VPS26C: variants seen among roughly 807,000 people sequenced by gnomAD.
The protein encoded by VPS26C is vacuolar protein sorting-associated protein 26C.
A neutral mutation model predicts 30.6 loss-of-function variants in VPS26C; 19 were observed. That is an observed-to-expected ratio of 0.62 (90% CI 0.43 to 0.91). VPS26C has a LOEUF of 0.91. Ranked by LOEUF, VPS26C falls within the 40% of genes least tolerant of loss-of-function variation. The pLI is 0.00. For missense variants in VPS26C, 318 were observed against 385.1 expected (o/e 0.83, Z 1.46); for synonymous variants, 132 against 151.5 (o/e 0.87, Z 0.95).
intron 5 of VPS26C, 49 bp from the exon 6 acceptor site, chr21:37,228,422 A>G (rs745869938): frequency 6.2e-6 from 10 of 1,600,638 alleles, no homozygotes; most frequent in Non-Finnish European, 8.5e-6. Flanking sequence ...AAGGGGGGAA[A>G]GTGCTCCATA....
intron 1 of VPS26C, among the ~76,000 whole-genome samples, chr21:37,243,500 A>G (rs2086108367): frequency 6.6e-6 from 1 of 152,212 alleles, no homozygotes. Flanking sequence ...GCCAGCACAG[A>G]CACTGGGACC....
upstream of VPS26C, chr21:37,267,427 G>A (rs1229626846): frequency 4.0e-6 from 3 of 751,046 alleles, no homozygotes; most frequent in East Asian, 7.7e-5. Context: ...CCTCGCAGCG[G>A]CGTCGCACAC....
chr21:37,262,284 G>A (rs752738413), intron 1 of VPS26C, among the ~76,000 whole-genome samples: 8 of 152,188 alleles, frequency 5.3e-5, no homozygotes, highest in Non-Finnish European at 1.2e-4. Flanking sequence ...TATTCCTCAT[G>A]ACTGAAACCA....
intron 6 of VPS26C, 26 bp from the exon 7 acceptor site, chr21:37,227,832 G>A (rs369563634): frequency 3.8e-5 from 60 of 1,566,628 alleles, no homozygotes; most frequent in Middle Eastern, 1.8e-4. Context: ...CACATCACGC[G>A]GTCAGGGCCA....
chr21:37,225,929 G>T, intron 7 of VPS26C: 1 of 433,322 alleles, frequency 2.3e-6, no homozygotes, highest in Non-Finnish European at 4.3e-6. Context: ...TCCTAAAAAG[G>T]ATATTCTAGA....
chr21:37,252,214 CAATT>C (rs1435373937), intron 1 of VPS26C, among the ~76,000 whole-genome samples: 1 of 152,170 alleles, frequency 6.6e-6, no homozygotes, highest in Non-Finnish European at 1.5e-5. Flanking sequence ...ATGAGTGAGA[CAATT>C]AATTGCTTGT....
Position 37,233,418 on chromosome 21 carries a change from G to A in VPS26C, c.376C>T (p.Arg126Trp), listed in dbSNP as rs367652803. ...GTCAAGTCCTTGGCCAACAGAGACC[G>A]CTTCATGTCACAGCGCAGTGTATAC... ...IQYTLRCDMK[R>W]SLLAKDLTKT... The change falls in exon 4 of 8, where the codon CGG becomes TGG. Residue 126 changes from arginine (R) to tryptophan (W), a missense_variant. Arg to Trp is a moderately radical substitution (Grantham distance 101). Transcript: ENST00000309117. This position sits in a 1 kb window ranked among gnomAD's most constrained non-coding sequence, Gnocchi z 5.2. The A allele has an allele frequency of 1.6e-4, 256 of 1,614,086 alleles. No homozygotes were observed. Among genetic ancestry groups the A allele is most frequent in the Non-Finnish European group, 1.9e-4 (226 of 1,179,970 alleles).
chr21:37,227,502 G>T, intron 7 of VPS26C, 152 bp downstream of exon 7: 1 of 856,542 alleles, frequency 1.2e-6, no homozygotes, highest in Non-Finnish European at 1.8e-6. Context: ...CAGCCGAAGG[G>T]CAGCAGGCTC....
chr21:37,254,631 T>C (rs1412983544), intron 1 of VPS26C, among the ~76,000 whole-genome samples: 1 of 152,042 alleles, frequency 6.6e-6, no homozygotes, highest in Non-Finnish European at 1.5e-5. Context: ...GCCAGCATGA[T>C]GAAACCCCAT....
chr21:37,240,024 C>A (rs1007759791), intron 2 of VPS26C, among the ~76,000 whole-genome samples: 4 of 152,196 alleles, frequency 2.6e-5, no homozygotes, highest in African/African-American at 9.7e-5. Context: ...TCCATTTTCG[C>A]AGGTTGATTA....
upstream of VPS26C, chr21:37,267,529 C>G (rs1035911523): frequency 2.3e-5 from 13 of 569,028 alleles, no homozygotes; most frequent in Non-Finnish European, 3.4e-5. Flanking sequence ...TCACGGTTCA[C>G]CCCGCCCCCT....
intron 1 of VPS26C, among the ~76,000 whole-genome samples, chr21:37,246,816 A>C (rs1360753738): frequency 6.6e-6 from 1 of 152,192 alleles, no homozygotes; most frequent in Non-Finnish European, 1.5e-5. Context: ...GGAGTACAGT[A>C]GTGTGATCAT....
chr21:37,229,380 G>A (rs148430497), intron 5 of VPS26C: 7 of 152,224 alleles, frequency 4.6e-5, no homozygotes, highest in East Asian at 3.9e-4. Flanking sequence ...CATCCTGGCC[G>A]GTGGGCTGTG....
chr21:37,230,159 G>A (rs1166310269), intron 5 of VPS26C, among the ~76,000 whole-genome samples: 1 of 152,176 alleles, frequency 6.6e-6, no homozygotes, highest in African/African-American at 2.4e-5. Context: ...GATCTACTGT[G>A]CCTGGCCAAG....
chr21:37,256,223 A>C (rs2086242009), intron 1 of VPS26C, among the ~76,000 whole-genome samples: 1 of 152,226 alleles, frequency 6.6e-6, no homozygotes, highest in African/African-American at 2.4e-5. Context: ...AAAAAACTTC[A>C]ACTTTGTTGC....
chr21:37,242,062 C>T (rs1442639489), intron 1 of VPS26C, among the ~76,000 whole-genome samples: 1 of 152,160 alleles, frequency 6.6e-6, no homozygotes, highest in African/African-American at 2.4e-5. Context: ...CTAATTAAAA[C>T]AAACACGATC....
intron 2 of VPS26C, among the ~76,000 whole-genome samples, chr21:37,239,055 A>G (rs2086056179): frequency 6.6e-6 from 1 of 151,928 alleles, no homozygotes; most frequent in African/African-American, 2.4e-5. Flanking sequence ...GCTTCCTCGG[A>G]GCCTTCCTGC....
intron 1 of VPS26C, among the ~76,000 whole-genome samples, chr21:37,249,792 A>T (rs1426893368): frequency 6.6e-6 from 1 of 152,198 alleles, no homozygotes; most frequent in Non-Finnish European, 1.5e-5. Flanking sequence ...GAAATTGGAG[A>T]AACTAGCCCT....
rs368458335 is a variant in VPS26C, at chr21:37,267,160, T to C, written c.57+78A>G. ...CTGCCCCGCCTAGGGACGCGGGACG[T>C]GCGCAGAGCGATGGAGACAGCGGAA... is the stretch of plus-strand genomic sequence containing the variant. On this transcript the variant is annotated intron_variant, in intron 1 of 7. Coordinates refer to ENST00000309117, the MANE Select transcript of VPS26C (RefSeq NM_006052.2). 4 of 1,282,702 alleles carry C rather than the reference T, an allele frequency of 3.1e-6. No homozygotes were observed. The Admixed American group carries it at 5.9e-5, about 19-fold the overall frequency. The allele number at this position is 1,282,702 out of a possible 1,614,324, so 79.5% of individuals were successfully genotyped here.
Sources: gnomAD v4.1 joint callset for allele counts (sites outside exome capture counted in the v4.1 genomes callset) on GRCh38, gnomAD v4.1.1 for gene constraint, Gnocchi (gnomAD v3.1) non-coding constraint, MANE v1.5 for transcripts, NCBI Gene and HGNC (gene_info 2026-07-23, HGNC 2026-07-21) for gene names.